Variants in MARK1 observed in about 807,000 individuals in gnomAD.
MARK1 encodes the protein microtubule affinity regulating kinase 1, also known as serine/threonine-protein kinase MARK1.
In MARK1, 40 loss-of-function variants were observed where a neutral mutation model predicts 96.3. The ratio of observed to expected loss-of-function variants is 0.42; its 90% CI spans 0.32 to 0.54. The LOEUF (loss-of-function observed/expected upper bound fraction) is 0.54. Ranked by LOEUF, MARK1 falls within the 20% of genes least tolerant of loss-of-function variation. MARK1 has a pLI of 0.16. For missense variants in MARK1, 719 were observed against 984.6 expected (o/e 0.73, Z 3.61); for synonymous variants, 317 against 341.2 (o/e 0.93, Z 0.78).
chr1:220,650,817 A>G, intron 14 of MARK1, 97 bp downstream of exon 14: 1 of 770,964 alleles, frequency 1.3e-6, no homozygotes, highest in Admixed American at 2.3e-5. Flanking sequence ...GGAGAAAAGC[A>G]GTTATTACAT....
chr1:220,585,539 A>G (rs950088565), intron 3 of MARK1, among the ~76,000 whole-genome samples: 3 of 152,194 alleles, frequency 2.0e-5, no homozygotes, highest in African/African-American at 7.2e-5. Flanking sequence ...AAAGGGCTCA[A>G]TGACATATAA....
intron 9 of MARK1, among the ~76,000 whole-genome samples, chr1:220,623,837 A>C (rs1246996935): frequency 2.6e-5 from 4 of 152,182 alleles, no homozygotes; most frequent in African/African-American, 9.7e-5. Context: ...TGTTCCTCAC[A>C]TCCTTCTGCC....
intron 11 of MARK1, among the ~76,000 whole-genome samples, chr1:220,633,515 G>A (rs778896007): frequency 2.6e-5 from 4 of 152,176 alleles, no homozygotes; most frequent in East Asian, 1.9e-4. Flanking sequence ...ATAGAAGGAC[G>A]AGAAAGTCTC....
At chr1:220,630,846 G>A (rs1008381139) in intron 9 of MARK1, among the ~76,000 whole-genome samples, 189 bp from the exon 10 acceptor site, 1 of 152,176 alleles carries the variant, frequency 6.6e-6, no homozygotes, top group Non-Finnish European at 1.5e-5. Flanking sequence ...TGGTGAGTGT[G>A]TAGGGAGATA....
intron 7 of MARK1, among the ~76,000 whole-genome samples, chr1:220,617,549 A>G (rs1168664293): frequency 6.6e-6 from 1 of 152,218 alleles, no homozygotes; most frequent in Non-Finnish European, 1.5e-5. Flanking sequence ...TACAAAAGCA[A>G]GTCCTTTATT....
At chr1:220,541,688 TA>T (rs763523383) in intron 1 of MARK1, among the ~76,000 whole-genome samples, 4 of 152,222 alleles carry the variant, frequency 2.6e-5, no homozygotes, top group Non-Finnish European at 5.9e-5. Flanking sequence ...GTTTTTGACA[TA>T]AGGTCTGTTT....
At chr1:220,547,713 C>T (rs1324056208) in intron 1 of MARK1, among the ~76,000 whole-genome samples, 3 of 152,094 alleles carry the variant, frequency 2.0e-5, no homozygotes, top group African/African-American at 4.8e-5. Flanking sequence ...TACAGGTGCC[C>T]GCCACCACAC....
At position 220,579,558 on chromosome 1, in the gene MARK1, G is replaced by A; in HGVS notation, c.255+1G>A. 1 of 1,613,530 alleles carries A rather than the reference G, an allele frequency of 6.2e-7. No homozygotes were observed. The highest frequency in any genetic ancestry group is 8.5e-7 in the Non-Finnish European group (1 of 1,179,586). On this transcript the variant is annotated splice_donor_variant, in intron 2 of 17. Transcript: ENST00000366917. LOFTEE classifies it high-confidence loss of function. Reference sequence around the variant, plus strand: ...AAGACACGTTCTAACTGGTAGAGAGGTAAGTTTGCACAATGCCTTTTAATA... The same window carrying A: ...AAGACACGTTCTAACTGGTAGAGAGATAAGTTTGCACAATGCCTTTTAATA...
chr1:220,643,105 T>C (rs1394229552), intron 13 of MARK1, among the ~76,000 whole-genome samples: 3 of 152,156 alleles, frequency 2.0e-5, no homozygotes, highest in East Asian at 3.9e-4. Context: ...GAAGCTGAGA[T>C]GGATGAACTG....
At chr1:220,550,824 G>T (rs1205053696) in intron 1 of MARK1, among the ~76,000 whole-genome samples, 1 of 152,174 alleles carries the variant, frequency 6.6e-6, no homozygotes, top group South Asian at 2.1e-4. Flanking sequence ...AAGTAAGAAC[G>T]TTGCCATTTA....
intron 9 of MARK1, chr1:220,625,871 A>G (rs2378400): frequency 0.62 from 292,927 of 475,028 alleles, 92,621 homozygotes; most frequent in Non-Finnish European, 0.67. Flanking sequence ...CTGCCCAGCT[A>G]TGGTCTCCAC....
rs564350465 is a variant in MARK1, at chr1:220,593,870, G to A, written c.310-4461G>A. On this transcript the variant is annotated intron_variant, in intron 3 of 17. Coordinates refer to ENST00000366917, the MANE Select transcript of MARK1 (RefSeq NM_018650.5). ...CATCCTTTCTGTGTCAGAGTGAGAG[G>A]CCCCCTCAGCCCTCACTCTGGATAA... 6.9e-4 allele frequency among the ~76,000 whole-genome samples: 105 copies of A among 152,220 alleles called. 1 individual carries two copies. The highest frequency in any genetic ancestry group is 6.6e-4 in the Non-Finnish European group (45 of 68,002).
At chr1:220,547,949 A>G (rs542510597) in intron 1 of MARK1, among the ~76,000 whole-genome samples, 8 of 152,350 alleles carry the variant, frequency 5.3e-5, no homozygotes, top group African/African-American at 1.7e-4. Context: ...TGACTCCTGT[A>G]TCAAGCAAAC....
intron 13 of MARK1, among the ~76,000 whole-genome samples, chr1:220,644,105 A>G (rs978073630): frequency 1.3e-5 from 2 of 152,176 alleles, no homozygotes; most frequent in African/African-American, 2.4e-5. Context: ...GAATACCCCA[A>G]TTAAAAGACA....
At chr1:220,635,615 T>C (rs1310083281) in intron 12 of MARK1, 86 bp downstream of exon 12, 2 of 1,419,836 alleles carry the variant, frequency 1.4e-6, no homozygotes, top group East Asian at 4.6e-5. Context: ...CACGTCTCTA[T>C]GTGCTTGTGT....
chr1:220,571,506 A>G (rs906519791), intron 1 of MARK1, among the ~76,000 whole-genome samples: 1 of 152,154 alleles, frequency 6.6e-6, no homozygotes, highest in Non-Finnish European at 1.5e-5. Flanking sequence ...ACTATTTAAT[A>G]TGAAAATTCA....
At chr1:220,622,491 T>G (rs1667100536) in intron 9 of MARK1, among the ~76,000 whole-genome samples, 2 of 152,254 alleles carry the variant, frequency 1.3e-5, no homozygotes, top group Admixed American at 1.3e-4. Context: ...TCATAATTTT[T>G]TAATGAAAGA....
At chr1:220,557,521 C>T (rs544987086) in intron 1 of MARK1, among the ~76,000 whole-genome samples, 74 of 151,812 alleles carry the variant, frequency 4.9e-4, no homozygotes, top group African/African-American at 1.5e-3. Context: ...ATTACACCAC[C>T]GCACTCCAAC....
chr1:220,530,431 C>T (rs920944270), intron 1 of MARK1, among the ~76,000 whole-genome samples: 1 of 152,200 alleles, frequency 6.6e-6, no homozygotes, highest in African/African-American at 2.4e-5. Flanking sequence ...AAAAAAATGC[C>T]TGTCATTCAA....
Sources: gnomAD v4.1 joint callset for allele counts (sites outside exome capture counted in the v4.1 genomes callset) on GRCh38, gnomAD v4.1.1 for gene constraint, MANE v1.5 for transcripts, NCBI Gene and HGNC (gene_info 2026-07-23, HGNC 2026-07-21) for gene names.